LRRC37A3: variants seen among roughly 807,000 people sequenced by gnomAD.
LRRC37A3 encodes the protein leucine-rich repeat-containing protein 37A3.
In LRRC37A3, 25 loss-of-function variants were observed where a neutral mutation model predicts 106.2. The ratio of observed to expected loss-of-function variants is 0.24; its 90% CI spans 0.17 to 0.33. The LOEUF (loss-of-function observed/expected upper bound fraction) is 0.33, where lower values mean the gene tolerates loss of function less well. Ranked by LOEUF, LRRC37A3 falls within the 10% of genes least tolerant of loss-of-function variation. The pLI, the probability that LRRC37A3 is intolerant of heterozygous loss-of-function variation, is 1.00. For missense variants in LRRC37A3, 712 were observed against 1,644.9 expected (o/e 0.43, Z 9.81); for synonymous variants, 305 against 635.8 (o/e 0.48, Z 7.83).
At chr17:64,866,621 TA>T (rs1973107906) in intron 10 of LRRC37A3, among the ~76,000 whole-genome samples, 7 of 25,260 alleles carry the variant, frequency 2.8e-4, no homozygotes, top group African/African-American at 1.3e-3. Flanking sequence ...TATATATATA[TA>T]TATATATTTT....
At chr17:64,875,067 G>A (rs567658154) in intron 8 of LRRC37A3, among the ~76,000 whole-genome samples, 38 of 151,714 alleles carry the variant, frequency 2.5e-4, no homozygotes, top group African/African-American at 8.2e-4. Context: ...ATCCCCCTCT[G>A]CGAGAAACAC....
intron 8 of LRRC37A3, among the ~76,000 whole-genome samples, chr17:64,878,698 G>A (rs981389193): frequency 5.3e-5 from 8 of 152,286 alleles, no homozygotes; most frequent in East Asian, 3.9e-4. Context: ...ACAAAGACCC[G>A]GAGAAATTGA....
At chr17:64,899,364 G>C (rs1362015735) in intron 2 of LRRC37A3, among the ~76,000 whole-genome samples, 1 of 146,986 alleles carries the variant, frequency 6.8e-6, no homozygotes, top group Non-Finnish European at 1.5e-5. Flanking sequence ...AGGTTGCAAT[G>C]AGCTGGGATC....
rs3210811 is a variant in LRRC37A3, at chr17:64,859,511, T to C, written c.4635A>G (p.Gln1545=). 1.9e-6 allele frequency: 3 copies of C among 1,611,724 alleles called. No individual in the cohort carries two copies. Among genetic ancestry groups the C allele is most frequent in the African/African-American group, 1.3e-5 (1 of 74,090 alleles). Residue 1545 remains glutamine, a synonymous_variant, in exon 12 of 15, where the codon CAA becomes CAG. Coordinates refer to ENST00000584306, the MANE Select transcript of LRRC37A3 (RefSeq NM_199340.5). Reference sequence around the variant, plus strand: ...CATTAATGTAGTTCTCAGTCTTCCATTGGTCCGTATCCCATTCTATCTTGG... The same window carrying C: ...CATTAATGTAGTTCTCAGTCTTCCACTGGTCCGTATCCCATTCTATCTTGG... ...KASKIEWDTD[Q]WKTENYINES... is the part of the protein sequence containing the mutation.
rs573882373 is a variant in LRRC37A3, at chr17:64,855,225, A to G, written c.4860-581T>C. On this transcript the variant is annotated intron_variant, in intron 14 of 14. Transcript: ENST00000584306. ...TTTCCTCAGTTCTAGGATCCAGGGGAAAAAAAAAAAGAAATAAAAGAGAAA... is the reference window on the plus strand; with the variant it reads ...TTTCCTCAGTTCTAGGATCCAGGGGGAAAAAAAAAAGAAATAAAAGAGAAA... 2.4e-4 allele frequency among the ~76,000 whole-genome samples: 36 copies of G among 148,704 alleles called. No homozygotes were observed. The South Asian group carries it at 2.5e-3, about 11-fold the overall frequency.
intron 13 of LRRC37A3, among the ~76,000 whole-genome samples, chr17:64,857,956 T>G (rs1032788782): frequency 6.6e-6 from 1 of 152,210 alleles, no homozygotes; most frequent in African/African-American, 2.4e-5. Flanking sequence ...TAAATCACTC[T>G]TCCAATATGC....
At chr17:64,915,581 C>G (rs1438561462) in intron 2 of LRRC37A3, among the ~76,000 whole-genome samples, 1 of 152,222 alleles carries the variant, frequency 6.6e-6, no homozygotes, top group Non-Finnish European at 1.5e-5. Flanking sequence ...CAGAAAAAGT[C>G]TGGCAAGGTC....
rs762222867 is a variant in LRRC37A3 at position 64,860,652 on chromosome 17, T to C, written c.3494A>G (p.Asn1165Ser). Reference protein sequence around the residue: ...QTVGKNRQRLNRVLMGPRSIQ... With the variant: ...QTVGKNRQRLSRVLMGPRSIQ... ...GCTCCTTGGGCCCATGAGGACTCTA[T>C]TCAGTCTCTGCCGGTTTTTGCCTAC... Residue 1165 changes from asparagine (N) to serine (S), a missense_variant, in exon 12 of 15, where the codon AAT becomes AGT. Transcript: ENST00000584306. 1 of 1,614,038 alleles carries C rather than the reference T, an allele frequency of 6.2e-7. No individual in the cohort carries two copies. The highest frequency in any genetic ancestry group is 1.7e-5 in the Admixed American group (1 of 60,020).
Position 64,896,780 on chromosome 17 carries a change from G to A in LRRC37A3, c.478C>T (p.Leu160Phe). Residue 160 changes from leucine (L) to phenylalanine (F), a missense_variant, in exon 4 of 15, where the codon CTT becomes TTT. By Grantham distance (22) the Leu-to-Phe change is conservative. Transcript: ENST00000584306. ...TGTATAATTCCAATAATCTCAGCAA[G>A]GCTCCAACGCTGAGCTGGATCTTTC... ...LKKDPAQRWS[L>F]AEIIGIIHQL... is the part of the protein sequence containing the mutation. 1 of 1,608,230 alleles carries A rather than the reference G, an allele frequency of 6.2e-7. No homozygotes were observed. The highest frequency in any genetic ancestry group is 8.5e-7 in the Non-Finnish European group (1 of 1,179,958).
chr17:64,871,729 A>G (rs1355582746), intron 8 of LRRC37A3: 4 of 152,130 alleles, frequency 2.6e-5, no homozygotes, highest in Admixed American at 2.6e-4. Flanking sequence ...CCTGGACTCA[A>G]AGGATCCTTC....
intron 8 of LRRC37A3, chr17:64,876,973 C>A (rs961008212): frequency 6.6e-6 from 1 of 152,208 alleles, no homozygotes; most frequent in Non-Finnish European, 1.5e-5. Context: ...AAATGCTTGA[C>A]AAAATCTGTC....
intron 10 of LRRC37A3, among the ~76,000 whole-genome samples, chr17:64,863,871 A>G (rs2143400274): frequency 6.6e-6 from 1 of 152,078 alleles, no homozygotes; most frequent in African/African-American, 2.4e-5. Flanking sequence ...TGGCAAAATT[A>G]TACCTCATTG....
chr17:64,872,784 T>C (rs1172097366), intron 8 of LRRC37A3, among the ~76,000 whole-genome samples: 6 of 152,112 alleles, frequency 3.9e-5, no homozygotes, highest in African/African-American at 1.5e-4. Flanking sequence ...CTCACGCGCA[T>C]GCATAGGGCA....
rs1283286984 is a variant in LRRC37A3, at chr17:64,917,245, CAAAAAAAAAA to C, written c.-496+1495_-496+1504del. ...TGGGTAACAGAGCCAGACTCCATCT[CAAAAAAAAAA>C]AAAAAAAAAAAAAAACCTGAAAATA... On this transcript the variant is annotated intron_variant, in intron 2 of 14. Coordinates refer to ENST00000584306, the MANE Select transcript of LRRC37A3 (RefSeq NM_199340.5). 2.8e-4 allele frequency among the ~76,000 whole-genome samples: 8 copies of C among 28,408 alleles called. No individual in the cohort carries two copies. The South Asian group carries it at 9.3e-3, about 33-fold the overall frequency. 18.6% of individuals were successfully genotyped at this position (28,408 alleles called of 152,430 possible). A position where few individuals can be genotyped will look rare whatever the true frequency, so the allele number is the denominator to read the frequency against.
intron 8 of LRRC37A3, among the ~76,000 whole-genome samples, chr17:64,869,979 C>T (rs1973256536): frequency 6.6e-6 from 1 of 151,088 alleles, no homozygotes; most frequent in Non-Finnish European, 1.5e-5. Flanking sequence ...ACCATACTCC[C>T]ACTTGTCCTC....
chr17:64,866,111 A>G (rs553370874), intron 10 of LRRC37A3, among the ~76,000 whole-genome samples: 1 of 152,060 alleles, frequency 6.6e-6, no homozygotes, highest in East Asian at 1.9e-4. Flanking sequence ...CAATGTCTTT[A>G]TGGCCTTGGT....
chr17:64,875,531 G>A (rs1215684513), intron 8 of LRRC37A3, among the ~76,000 whole-genome samples: 3 of 152,206 alleles, frequency 2.0e-5, no homozygotes, highest in Non-Finnish European at 4.4e-5. Context: ...GCTCAGGCCT[G>A]TAATCCCAGC....
In LRRC37A3 at chr17:64,860,012, A is replaced by G; in HGVS notation, c.4134T>C (p.Pro1378=). ...TATTGTTTTCTATAAAATGTTCTGA[A>G]GGAGCAGATACTTCCAGAAAAGGAT... ...QENPFLEVSA[P]SEHFIENNNT... is the part of the protein sequence containing the mutation. Residue 1378 remains proline (P), a synonymous_variant, in exon 12 of 15, where the codon CCT becomes CCC. Transcript: ENST00000584306. The G allele has an allele frequency of 8.7e-6, 14 of 1,613,882 alleles. No individual in the cohort carries two copies. Among genetic ancestry groups the G allele is most frequent in the Non-Finnish European group, 1.2e-5 (14 of 1,179,872 alleles).
rs1335991521 is a variant in LRRC37A3 at position 64,890,722 on chromosome 17, C to T, written c.2682-970G>A. Reference sequence around the variant, plus strand: ...TGGAGGGCACCTGTAATTCCAGCTACGCGGGAGGCTGAGGCAGGAGAATCC... The same window carrying T: ...TGGAGGGCACCTGTAATTCCAGCTATGCGGGAGGCTGAGGCAGGAGAATCC... On this transcript the variant is annotated intron_variant, in intron 5 of 14. Coordinates refer to ENST00000584306, the MANE Select transcript of LRRC37A3 (RefSeq NM_199340.5). Among the ~76,000 whole-genome samples the T allele has an allele frequency of 1.1e-4, 16 of 146,646 alleles. 5 individuals are homozygous for T. The highest frequency in any genetic ancestry group is 3.9e-4 in the African/African-American group (14 of 36,132).
Sources: allele counts gnomAD v4.1 joint callset (sites outside exome capture counted in the v4.1 genomes callset), GRCh38; gene constraint gnomAD v4.1.1; transcripts MANE v1.5; gene names NCBI Gene and HGNC (gene_info 2026-07-23, HGNC 2026-07-21).